The following MVB12A variants were observed in gnomAD, a reference collection of about 807,000 sequenced individuals.
MVB12A encodes CIN85/CD2AP family binding protein.
Under a neutral mutation model 34.3 loss-of-function variants are expected in MVB12A, and 30 were observed. That is an observed-to-expected ratio of 0.88 (90% CI 0.65 to 1.19). MVB12A has a LOEUF of 1.19. Ranked by LOEUF, MVB12A falls within the 50% of genes most tolerant of loss-of-function variation. The pLI is 0.00. For missense variants in MVB12A, 355 were observed against 369.2 expected (o/e 0.96, Z 0.31); for synonymous variants, 158 against 158.9 (o/e 0.99, Z 0.04).
intron 2 of MVB12A, among the ~76,000 whole-genome samples, chr19:17,410,529 T>TATACACACACACACACACACACACAC: frequency 1.1e-3 from 80 of 74,328 alleles, no homozygotes; most frequent in Non-Finnish European, 1.5e-3. Context: ...TATATATATA[T>TATACACACACACACACACACACACAC]ACACACACAC....
rs768921163 is a variant in MVB12A, at chr19:17,424,687, G to T, written c.759+10G>T. 1.1e-5 allele frequency: 18 copies of T among 1,602,238 alleles called. No homozygotes were observed. Among genetic ancestry groups the T allele is most frequent in the Admixed American group, 8.5e-5 (5 of 58,984 alleles). ...GGACATTGAGGAGGAGGTGGGTGCA[G>T]GGCTAGGGAGGAGGTGGGTGCAGGG... On this transcript the variant is annotated intron_variant, in intron 8 of 8. Coordinates refer to ENST00000317040, the MANE Select transcript of MVB12A (RefSeq NM_138401.4).
intron 4 of MVB12A, 194 bp downstream of exon 4, chr19:17,422,652 T>C: frequency 2.2e-6 from 1 of 462,080 alleles, no homozygotes; most frequent in Non-Finnish European, 3.6e-6. Flanking sequence ...ACTTGGTGTC[T>C]AAAGTAGACA....
At position 17,425,282 on chromosome 19, in the gene MVB12A, C is replaced by T. The variant is rs1317310316; in HGVS notation, c.*289C>T. 2 of 427,142 alleles carry T rather than the reference C, an allele frequency of 4.7e-6. No homozygotes were observed. The highest frequency in any genetic ancestry group is 8.3e-6 in the Non-Finnish European group (2 of 240,028). The allele number at this position is 427,142 out of a possible 1,614,324, so 26.5% of individuals were successfully genotyped here. ...ATTTGTGTCAAAACCCTCTGGGGTCCGGAGGCTGTGCGGGTGTCCTCCTGG... is the reference window on the plus strand; with the variant it reads ...ATTTGTGTCAAAACCCTCTGGGGTCTGGAGGCTGTGCGGGTGTCCTCCTGG... On this transcript the variant is annotated 3_prime_UTR_variant, in exon 9 of 9. Transcript: ENST00000317040.
upstream of MVB12A, chr19:17,418,231 CA>C (rs555647345): frequency 1.7e-5 from 3 of 174,764 alleles, no homozygotes; most frequent in East Asian, 1.4e-4. Flanking sequence ...TACATCTGCA[CA>C]AAAAAACTAT....
intron 7 of MVB12A, 33 bp from the exon 8 acceptor site, chr19:17,424,588 C>G (rs758547793): frequency 1.2e-6 from 2 of 1,603,986 alleles, no homozygotes; most frequent in South Asian, 2.2e-5. Context: ...AGGTTGAGAT[C>G]GGGCCCAAGG....
chr19:17,422,219 G>T, intron 3 of MVB12A, 113 bp from the exon 4 acceptor site: 5 of 902,114 alleles, frequency 5.5e-6, no homozygotes, highest in Non-Finnish European at 6.7e-6. Context: ...CCCCAATGTT[G>T]TCCATGTGGC....
Position 17,425,014 on chromosome 19 carries a change from A to G in MVB12A, c.*21A>G, listed in dbSNP as rs1324578750. On this transcript the variant is annotated 3_prime_UTR_variant, in exon 9 of 9. Transcript: ENST00000317040. ...CATAGTCCCTCACCCTTCCGCGGAA[A>G]GAGCCCCCTTACTCCACCTCCCCGC... is the stretch of plus-strand genomic sequence containing the variant. 1.9e-6 allele frequency: 3 copies of G among 1,544,204 alleles called. No individual in the cohort carries two copies. The South Asian group carries it at 3.5e-5, about 18-fold the overall frequency.
intron 2 of MVB12A, among the ~76,000 whole-genome samples, chr19:17,408,774 A>G (rs1215386885): frequency 2.0e-5 from 3 of 149,702 alleles, no homozygotes; most frequent in African/African-American, 7.3e-5. Context: ...TTTTAAATAT[A>G]TAATGTATTT....
chr19:17,417,812 TCACTGA>T (rs1401483537), upstream of MVB12A: 2 of 294,498 alleles, frequency 6.8e-6, no homozygotes, highest in Non-Finnish European at 1.4e-5. Context: ...GACTTCTCTT[TCACTGA>T]CACTGTCTTC....
upstream of MVB12A, chr19:17,415,172 T>A (rs1477082751): frequency 6.6e-6 from 1 of 151,704 alleles, no homozygotes; most frequent in East Asian, 1.9e-4. Context: ...TTTTTAAATT[T>A]TCCCTTTTTG....
chr19:17,410,539 CATATATAT>C (rs1287902219), intron 2 of MVB12A, among the ~76,000 whole-genome samples: 1 of 69,676 alleles, frequency 1.4e-5, no homozygotes. Context: ...TACACACACA[CATATATAT>C]ATACACACAC....
At chr19:17,410,890 T>C (rs1362337125) in intron 2 of MVB12A, among the ~76,000 whole-genome samples, 1 of 129,724 alleles carries the variant, frequency 7.7e-6, no homozygotes, top group Non-Finnish European at 1.6e-5. Flanking sequence ...ATCGCGCCAC[T>C]GCACTTCAGC....
At chr19:17,410,593 CATATATATATACACAT>C (rs1164686465) in intron 2 of MVB12A, among the ~76,000 whole-genome samples, 3 of 126,042 alleles carry the variant, frequency 2.4e-5, no homozygotes, top group Admixed American at 8.0e-5. Context: ...TATATACACA[CATATATATATACACAT>C]ATATATATAT....
chr19:17,410,603 T>TACATGTATATATATAC (rs2074762943), intron 2 of MVB12A, among the ~76,000 whole-genome samples: 7 of 138,872 alleles, frequency 5.0e-5, no homozygotes, highest in African/African-American at 2.0e-4. Context: ...CATATATATA[T>TACATGTATATATATAC]ACACATATAT....
At chr19:17,409,232 G>A (rs1422600029) in intron 2 of MVB12A, among the ~76,000 whole-genome samples, 2 of 149,544 alleles carry the variant, frequency 1.3e-5, no homozygotes, top group South Asian at 2.1e-4. Flanking sequence ...CTGGGTTGAA[G>A]TGATTCTTCT....
intron 1 of MVB12A, chr19:17,406,033 G>A (rs1037304369): frequency 2.6e-5 from 4 of 156,290 alleles, no homozygotes; most frequent in African/African-American, 9.6e-5. Context: ...TGGGTCTGGG[G>A]GCGGGGCCTG....
At chr19:17,424,525 G>A in intron 7 of MVB12A, 96 bp from the exon 8 acceptor site, 2 of 1,238,518 alleles carry the variant, frequency 1.6e-6, no homozygotes, top group Non-Finnish European at 1.2e-6. Flanking sequence ...GGAATATTCG[G>A]GGAGTGTTGG....
intron 2 of MVB12A, among the ~76,000 whole-genome samples, chr19:17,409,527 C>T (rs913504632): frequency 6.8e-6 from 1 of 147,416 alleles, no homozygotes; most frequent in African/African-American, 2.5e-5. Flanking sequence ...TAGCTCACCA[C>T]AACCTCTGCC....
chr19:17,411,480 C>G (rs890681707), intron 2 of MVB12A, among the ~76,000 whole-genome samples: 2 of 151,674 alleles, frequency 1.3e-5, no homozygotes, highest in African/African-American at 4.8e-5. Flanking sequence ...CTCAGCCTCC[C>G]GAGTAGCTGG....
Sources: allele counts gnomAD v4.1 joint callset (sites outside exome capture counted in the v4.1 genomes callset), GRCh38; gene constraint gnomAD v4.1.1; transcripts MANE v1.5; gene names NCBI Gene and HGNC (gene_info 2026-07-23, HGNC 2026-07-21).